SLC44A5: variants seen among roughly 807,000 people sequenced by gnomAD.
The protein encoded by SLC44A5 is choline transporter-like protein 5.
SLC44A5 carries 57 observed loss-of-function variants against 101.8 expected under a neutral mutation model. The ratio of observed to expected loss-of-function variants is 0.56; its 90% CI spans 0.45 to 0.70. The LOEUF (loss-of-function observed/expected upper bound fraction) is 0.70. SLC44A5 is among the 30% of genes least tolerant of loss of function. The pLI is 0.00. For missense variants in SLC44A5, 737 were observed against 853.1 expected (o/e 0.86, Z 1.70); for synonymous variants, 281 against 290.9 (o/e 0.97, Z 0.35).
chr1:75,434,507 T>C (rs1335110862), intron 2 of SLC44A5, among the ~76,000 whole-genome samples: 1 of 152,110 alleles, frequency 6.6e-6, no homozygotes, highest in Non-Finnish European at 1.5e-5. Context: ...TTTGTGGAAA[T>C]GAACTCCCAC....
chr1:75,631,535 G>C, the SLC44A5 span, among the ~76,000 whole-genome samples: 1 of 131,988 alleles, frequency 7.6e-6, no homozygotes, highest in Admixed American at 8.0e-5. Flanking sequence ...ACCACACCTG[G>C]CTAATTTTTT....
intron 4 of SLC44A5, among the ~76,000 whole-genome samples, chr1:75,322,674 G>A (rs993535937): frequency 1.2e-4 from 19 of 152,046 alleles, no homozygotes; most frequent in East Asian, 3.9e-4. Context: ...GGATAGATAC[G>A]GATTTCCTTT....
chr1:75,301,504 T>C (rs192487952), intron 4 of SLC44A5, among the ~76,000 whole-genome samples: 28 of 152,306 alleles, frequency 1.8e-4, no homozygotes, highest in Non-Finnish European at 2.2e-4. Flanking sequence ...AAGAAAAAGA[T>C]CAGCTCATTT....
At chr1:75,410,399 A>T (rs78915854) in intron 2 of SLC44A5, among the ~76,000 whole-genome samples, 2,638 of 149,272 alleles carry the variant, frequency 0.018, 82 homozygotes, top group African/African-American at 0.061. Context: ...CATTTGTGAT[A>T]AAAAAAAAAT....
At chr1:75,420,961 C>G (rs932326981) in intron 2 of SLC44A5, among the ~76,000 whole-genome samples, 3 of 151,966 alleles carry the variant, frequency 2.0e-5, no homozygotes, top group African/African-American at 7.2e-5. Flanking sequence ...CATTAGAACA[C>G]AGATGTCACA....
chr1:75,695,293 T>A, the SLC44A5 span, among the ~76,000 whole-genome samples: 1 of 152,194 alleles, frequency 6.6e-6, no homozygotes, highest in Non-Finnish European at 1.5e-5. Flanking sequence ...TAAAATCAGA[T>A]GCTTCTAGGT....
chr1:75,567,180 CCCTGGTTTCCT>C (rs1327613853), intron 1 of SLC44A5, among the ~76,000 whole-genome samples: 5,524 of 152,146 alleles, frequency 0.036, 338 homozygotes, highest in African/African-American at 0.13. Flanking sequence ...GTTTGGGTAT[CCCTGGTTTCCT>C]CAGGGATAAC....
intron 5 of SLC44A5, among the ~76,000 whole-genome samples, chr1:75,283,175 T>TTA (rs1225869318): frequency 6.6e-6 from 1 of 151,756 alleles, no homozygotes; most frequent in Middle Eastern, 3.4e-3. Flanking sequence ...CTATTTTTTT[T>TTA]TTATTATGGC....
At chr1:75,323,299 C>T (rs532653505) in intron 4 of SLC44A5, among the ~76,000 whole-genome samples, 141 of 151,870 alleles carry the variant, frequency 9.3e-4, no homozygotes, top group Middle Eastern at 3.4e-3. Context: ...GCATAGTGTT[C>T]CATGGTGTAT....
Position 75,274,989 on chromosome 1 carries a change from G to C in SLC44A5, c.229C>G (p.His77Asp). 1 of 1,612,868 alleles carries C rather than the reference G, an allele frequency of 6.2e-7. No homozygotes were observed. Among genetic ancestry groups the C allele is most frequent in the South Asian group, 1.1e-5 (1 of 90,982 alleles). The change falls in exon 6 of 24, where the codon CAC becomes GAC. Residue 77 changes from histidine to aspartate, a missense_variant. This residue lies in a region of SLC44A5 where 665 missense variants were observed against 764.4 expected (regional missense o/e 0.87). Transcript: ENST00000370859. ...GGAGTGCCCTTCTGGCCACAAAAGT[G>C]GCCCTGGCTGTCTGTAGGATAGGCT... ...RAAYPTDSQG[H>D]FCGQKGTPNE... is the part of the protein sequence containing the mutation.
At chr1:75,603,986 T>C (rs1675169969) in intron 1 of SLC44A5, among the ~76,000 whole-genome samples, 1 of 152,120 alleles carries the variant, frequency 6.6e-6, no homozygotes, top group African/African-American at 2.4e-5. Flanking sequence ...CTGTTGATAG[T>C]TTCTTTTGTT....
At chr1:75,527,141 A>G (rs1274469161) in intron 2 of SLC44A5, among the ~76,000 whole-genome samples, 1 of 149,528 alleles carries the variant, frequency 6.7e-6, no homozygotes, top group Admixed American at 6.6e-5. Flanking sequence ...TCGCAAAAAA[A>G]AAGAAAAAAA....
chr1:75,650,458 A>G, the SLC44A5 span, among the ~76,000 whole-genome samples: 1 of 152,244 alleles, frequency 6.6e-6, no homozygotes, highest in Non-Finnish European at 1.5e-5. Flanking sequence ...TAATATAATT[A>G]GTTTTCTTTG....
At chr1:75,300,747 A>ATTTTGTG in intron 4 of SLC44A5, 62 bp from the exon 5 acceptor site, 2 of 1,090,292 alleles carry the variant, frequency 1.8e-6, no homozygotes, top group Non-Finnish European at 2.6e-6. Flanking sequence ...TGTTTCCTGC[A>ATTTTGTG]CAAAATGAAG....
At chr1:75,483,000 T>A (rs894050005) in intron 2 of SLC44A5, among the ~76,000 whole-genome samples, 3 of 152,358 alleles carry the variant, frequency 2.0e-5, no homozygotes, top group African/African-American at 7.2e-5. Context: ...ATAACATTTA[T>A]GGTAAAAATA....
intron 2 of SLC44A5, among the ~76,000 whole-genome samples, chr1:75,466,203 G>A (rs1187075280): frequency 6.6e-6 from 1 of 152,118 alleles, no homozygotes; most frequent in Non-Finnish European, 1.5e-5. Flanking sequence ...TTATCCCTGA[G>A]ATGCAAGGAT....
chr1:75,644,763 A>G, the SLC44A5 span, among the ~76,000 whole-genome samples: 1 of 151,972 alleles, frequency 6.6e-6, no homozygotes, highest in Non-Finnish European at 1.5e-5. Context: ...TACATTAGGT[A>G]TATCTCCTAA....
At chr1:75,487,494 T>C (rs945240992) in intron 2 of SLC44A5, among the ~76,000 whole-genome samples, 6 of 152,216 alleles carry the variant, frequency 3.9e-5, no homozygotes, top group Non-Finnish European at 8.8e-5. Context: ...GAAAATGTCT[T>C]ATCTAAGACC....
the SLC44A5 span, chr1:75,641,300 T>A: frequency 1.5e-6 from 1 of 653,792 alleles, no homozygotes. Flanking sequence ...GTCCATAGGC[T>A]TCAGACTGCC....
Sources: gnomAD v4.1 joint callset for allele counts (sites outside exome capture counted in the v4.1 genomes callset) on GRCh38, gnomAD v4.1.1 for gene constraint, gnomAD v4.1.1 regional missense constraint, MANE v1.5 for transcripts, NCBI Gene and HGNC (gene_info 2026-07-23, HGNC 2026-07-21) for gene names.